The following EPC2 variants were observed in gnomAD, a reference collection of about 807,000 sequenced individuals.
EPC2 encodes enhancer of polycomb 2.
In EPC2, 14 loss-of-function variants were observed where a neutral mutation model predicts 92.1. The ratio of observed to expected loss-of-function variants is 0.15; its 90% confidence interval spans 0.10 to 0.24. The LOEUF (loss-of-function observed/expected upper bound fraction) is 0.24. Ranked by LOEUF, EPC2 falls within the 10% of genes least tolerant of loss-of-function variation. The pLI, the probability that EPC2 is intolerant of heterozygous loss-of-function variation, is 1.00. For missense variants in EPC2, 755 were observed against 971.5 expected (o/e 0.78, Z 2.96); for synonymous variants, 340 against 334.7 (o/e 1.02, Z -0.17).
intron 1 of EPC2, among the ~76,000 whole-genome samples, chr2:148,661,749 T>C (rs1257861104): frequency 6.6e-6 from 1 of 152,202 alleles, no homozygotes; most frequent in Admixed American, 6.5e-5. Context: ...GTATCTACCA[T>C]GAATGAGTGT....
At chr2:148,731,790 C>A (rs141119320) in intron 2 of EPC2, among the ~76,000 whole-genome samples, 145 of 152,322 alleles carry the variant, frequency 9.5e-4, no homozygotes, top group African/African-American at 3.3e-3. Flanking sequence ...ATTGATAATT[C>A]ATAGATAAAT....
At chr2:148,769,054 G>C in intron 7 of EPC2, 97 bp from the exon 8 acceptor site, 1 of 820,550 alleles carries the variant, frequency 1.2e-6, no homozygotes, top group Non-Finnish European at 2.0e-6. Context: ...ATATAGAAGT[G>C]ATTTACTGTT....
At chr2:148,776,694 G>A (rs909647840) in intron 10 of EPC2, among the ~76,000 whole-genome samples, 1 of 151,984 alleles carries the variant, frequency 6.6e-6, no homozygotes, top group African/African-American at 2.4e-5. Flanking sequence ...ATTGCATATA[G>A]TCAGCATATC....
Position 148,742,110 on chromosome 2 carries a change from CTATCATT to C in EPC2, c.314-1507_314-1501del, listed in dbSNP as rs1178173651. 1.1e-3 allele frequency among the ~76,000 whole-genome samples: 163 copies of C among 152,266 alleles called. 1 individual carries two copies. The highest frequency in any genetic ancestry group is 3.8e-3 in the African/African-American group (156 of 41,554). ...TCTATATATTCCATGTATGTGTAAA[CTATCATT>C]TATCTAATCCTACACACATTGTTTG... On this transcript the variant is annotated intron_variant, in intron 2 of 13. Coordinates refer to ENST00000258484, the MANE Select transcript of EPC2 (RefSeq NM_015630.4).
chr2:148,772,283 A>G (rs918944337), intron 10 of EPC2, among the ~76,000 whole-genome samples: 2 of 152,182 alleles, frequency 1.3e-5, no homozygotes, highest in Non-Finnish European at 2.9e-5. Context: ...TCTTTATCAC[A>G]TGTATGCAAG....
chr2:148,746,516 T>G (rs1169926119), intron 3 of EPC2, among the ~76,000 whole-genome samples: 1 of 152,148 alleles, frequency 6.6e-6, no homozygotes, highest in East Asian at 1.9e-4. Context: ...GTTATCAAAT[T>G]GTTTGATTTA....
chr2:148,781,929 T>A, intron 11 of EPC2, 149 bp downstream of exon 11: 1 of 823,446 alleles, frequency 1.2e-6, no homozygotes, highest in Non-Finnish European at 1.9e-6. Context: ...TTAATGTACG[T>A]AATTTTAAGT....
chr2:148,748,958 C>A (rs1683037900), intron 3 of EPC2, among the ~76,000 whole-genome samples: 2 of 152,064 alleles, frequency 1.3e-5, no homozygotes, highest in South Asian at 4.1e-4. Flanking sequence ...ATTAAAAATT[C>A]ATCTTCTTAA....
At chr2:148,729,466 T>G (rs1385823241) in intron 2 of EPC2, among the ~76,000 whole-genome samples, 1 of 152,194 alleles carries the variant, frequency 6.6e-6, no homozygotes, top group East Asian at 1.9e-4. Flanking sequence ...AGAAGTACAT[T>G]ATTATTAACT....
intron 3 of EPC2, among the ~76,000 whole-genome samples, chr2:148,747,834 T>G (rs1232637476): frequency 6.6e-6 from 1 of 152,094 alleles, no homozygotes; most frequent in African/African-American, 2.4e-5. Flanking sequence ...TGCTAGTAGT[T>G]TTTTGCTGGT....
At chr2:148,655,520 T>G (rs1490843392) in intron 1 of EPC2, among the ~76,000 whole-genome samples, 1 of 152,212 alleles carries the variant, frequency 6.6e-6, no homozygotes, top group Non-Finnish European at 1.5e-5. Context: ...TAAACGGTAT[T>G]TTGACATAAT....
At chr2:148,657,507 T>A (rs1314188569) in intron 1 of EPC2, among the ~76,000 whole-genome samples, 1 of 152,114 alleles carries the variant, frequency 6.6e-6, no homozygotes, top group Non-Finnish European at 1.5e-5. Context: ...TCTGATTAAG[T>A]CTAGAATAGG....
chr2:148,694,621 C>G (rs1190049417), intron 2 of EPC2, among the ~76,000 whole-genome samples: 1 of 152,194 alleles, frequency 6.6e-6, no homozygotes, highest in Non-Finnish European at 1.5e-5. Flanking sequence ...CCAAACTTTT[C>G]TCTTTAAGGA....
intron 6 of EPC2, among the ~76,000 whole-genome samples, 199 bp from the exon 7 acceptor site, chr2:148,764,756 C>T (rs1558833794): frequency 1.3e-5 from 2 of 151,888 alleles, no homozygotes; most frequent in Non-Finnish European, 2.9e-5. Flanking sequence ...ATTTAAATAC[C>T]ATAATTATTT....
rs1683328746 is a variant in EPC2 at position 148,762,787 on chromosome 2, A to G, written c.933A>G (p.Gln311=). Residue 311 remains glutamine, a synonymous_variant, in exon 6 of 14, where the codon CAA becomes CAG. Coordinates refer to ENST00000258484, the MANE Select transcript of EPC2 (RefSeq NM_015630.4). ...ATAATGGAAATCATCACAAAGTTCA[A>G]GAATGTAAAACTAAGGTGAATATTG... The part of the protein sequence containing the change: ...TLHNGNHHKV[Q]ECKTKHPHHL... The G allele has an allele frequency of 1.2e-5, 20 of 1,606,980 alleles. No individual in the cohort carries two copies. Among genetic ancestry groups the G allele is most frequent in the Non-Finnish European group, 1.7e-5 (20 of 1,177,756 alleles).
chr2:148,769,386 G>A (rs1270956022), intron 8 of EPC2, 146 bp downstream of exon 8: 2 of 625,932 alleles, frequency 3.2e-6, no homozygotes, highest in South Asian at 1.9e-5. Flanking sequence ...GGTAAAAGAT[G>A]CTAAAAGGTA....
chr2:148,732,966 TC>T (rs371007859), intron 2 of EPC2, among the ~76,000 whole-genome samples: 3,867 of 133,668 alleles, frequency 0.029, 467 homozygotes, highest in African/African-American at 0.098. Context: ...TTTTTTTTTT[TC>T]CAGTTAATAA....
intron 13 of EPC2, 55 bp from the exon 14 acceptor site, chr2:148,786,250 C>G (rs1468870237): frequency 1.5e-6 from 2 of 1,341,924 alleles, no homozygotes; most frequent in Admixed American, 3.9e-5. Flanking sequence ...TAAATGGTAA[C>G]GTCATGTTCT....
At chr2:148,683,267 A>G (rs752805083) in intron 1 of EPC2, among the ~76,000 whole-genome samples, 2 of 150,842 alleles carry the variant, frequency 1.3e-5, no homozygotes, top group South Asian at 4.2e-4. Flanking sequence ...AAAGTCCATT[A>G]TATCATTTTT....
Sources: allele counts gnomAD v4.1 joint callset (sites outside exome capture counted in the v4.1 genomes callset), GRCh38; gene constraint gnomAD v4.1.1; transcripts MANE v1.5; gene names NCBI Gene and HGNC (gene_info 2026-07-23, HGNC 2026-07-21).